The following GLCCI1 variants were observed in gnomAD, a reference collection of about 807,000 sequenced individuals.
GLCCI1 encodes the protein glucocorticoid induced 1.
In GLCCI1, 24 loss-of-function variants were observed where a neutral mutation model predicts 52.2. The ratio of observed to expected loss-of-function variants is 0.46; its 90% CI spans 0.33 to 0.65. GLCCI1 has a LOEUF of 0.65. Ranked by LOEUF, GLCCI1 falls within the 30% of genes least tolerant of loss-of-function variation. The probability of loss-of-function intolerance (pLI) is 0.02; values close to 1 mark genes in which losing one functional copy is unlikely to be tolerated. For synonymous variants in GLCCI1, 310 were observed against 276.5 expected (o/e 1.12, Z -1.20); for missense variants, 704 against 701.5 (o/e 1.00, Z -0.04).
At chr7:7,994,092 A>G (rs1780895749) in intron 1 of GLCCI1, among the ~76,000 whole-genome samples, 1 of 152,190 alleles carries the variant, frequency 6.6e-6, no homozygotes, top group Non-Finnish European at 1.5e-5. Context: ...TGTCTCTACA[A>G]AAAATACAAA....
Position 8,059,902 on chromosome 7 carries a change from T to G in GLCCI1, c.814-194T>G, listed in dbSNP as rs150597963. Among the ~76,000 whole-genome samples the G allele has an allele frequency of 2.5e-3, 388 of 152,358 alleles. 1 individual carries two copies. Among genetic ancestry groups the G allele is most frequent in the African/African-American group, 8.7e-3 (361 of 41,590 alleles). On this transcript the variant is annotated intron_variant, in intron 4 of 7. Coordinates refer to ENST00000223145, the MANE Select transcript of GLCCI1 (RefSeq NM_138426.4). The stretch of plus-strand genomic sequence containing the variant: ...CATAAAGGGATTTGAAAGGATTATT[T>G]TGACTATGTAATTTTCATTTTACTT...
At chr7:8,003,727 G>C (rs916091753) in intron 1 of GLCCI1, among the ~76,000 whole-genome samples, 181 bp from the exon 2 acceptor site, 1 of 152,166 alleles carries the variant, frequency 6.6e-6, no homozygotes, top group African/African-American at 2.4e-5. Context: ...GATTTAACAT[G>C]AATGTATTTT....
intron 3 of GLCCI1, among the ~76,000 whole-genome samples, chr7:8,025,128 A>G (rs765162200): frequency 8.5e-5 from 13 of 152,218 alleles, no homozygotes; most frequent in Non-Finnish European, 1.8e-4. Flanking sequence ...AATTCCCCAC[A>G]TATCCCAGGT....
At chr7:8,004,792 A>G (rs1321566644) in intron 2 of GLCCI1, among the ~76,000 whole-genome samples, 1 of 152,234 alleles carries the variant, frequency 6.6e-6, no homozygotes, top group African/African-American at 2.4e-5. Flanking sequence ...TCGACGTTAG[A>G]TGAATGGAGT....
chr7:8,035,737 C>T (rs902242319), intron 3 of GLCCI1, among the ~76,000 whole-genome samples: 2 of 152,168 alleles, frequency 1.3e-5, no homozygotes, highest in Non-Finnish European at 2.9e-5. Flanking sequence ...TGTTGTCTGT[C>T]CCGTCAGAGT....
At chr7:7,976,773 C>T (rs1780481581) in intron 1 of GLCCI1, among the ~76,000 whole-genome samples, 1 of 151,756 alleles carries the variant, frequency 6.6e-6, no homozygotes, top group Non-Finnish European at 1.5e-5. Flanking sequence ...TTAGCCTGGG[C>T]ATGGTGGGAC....
At chr7:8,024,680 C>T (rs1414086067) in intron 3 of GLCCI1, 3 of 152,208 alleles carry the variant, frequency 2.0e-5, no homozygotes, top group African/African-American at 7.2e-5. Context: ...AAAGGAATGA[C>T]TGATTCAGTG....
intron 5 of GLCCI1, among the ~76,000 whole-genome samples, chr7:8,062,038 A>G (rs929864934): frequency 6.6e-6 from 1 of 152,144 alleles, no homozygotes; most frequent in African/African-American, 2.4e-5. Context: ...CTTTGGATCT[A>G]ATTTTTAGAG....
chr7:7,988,907 G>A (rs1780787415), intron 1 of GLCCI1, among the ~76,000 whole-genome samples: 1 of 151,982 alleles, frequency 6.6e-6, no homozygotes, highest in South Asian at 2.1e-4. Flanking sequence ...AGTTAGATAA[G>A]GCTAAATGAT....
At chr7:8,058,651 G>T (rs560420052) in intron 4 of GLCCI1, among the ~76,000 whole-genome samples, 1 of 152,084 alleles carries the variant, frequency 6.6e-6, no homozygotes, top group African/African-American at 2.4e-5. Context: ...ATCATGATAG[G>T]TTAAGTATTT....
chr7:8,024,796 G>C (rs1354786274), intron 3 of GLCCI1: 1 of 152,186 alleles, frequency 6.6e-6, no homozygotes, highest in African/African-American at 2.4e-5. Context: ...CTTTATTCAT[G>C]AAAACTAATG....
chr7:8,082,166 CAG>C (rs1783009605), intron 6 of GLCCI1, among the ~76,000 whole-genome samples: 1 of 152,124 alleles, frequency 6.6e-6, no homozygotes, highest in Non-Finnish European at 1.5e-5. Context: ...AAATTCAACA[CAG>C]AGTTTTAAAT....
intron 2 of GLCCI1, among the ~76,000 whole-genome samples, chr7:8,013,350 C>T (rs945455831): frequency 6.6e-6 from 1 of 151,962 alleles, no homozygotes; most frequent in Non-Finnish European, 1.5e-5. Flanking sequence ...TTTATCTTTT[C>T]CCTGCTGATT....
intron 1 of GLCCI1, among the ~76,000 whole-genome samples, chr7:7,986,373 G>C (rs1198087756): frequency 4.8e-4 from 39 of 81,584 alleles, no homozygotes. Context: ...TTAGCCGGGA[G>C]CAGGGGGAGG....
At position 7,969,912 on chromosome 7, in the gene GLCCI1, A is replaced by T; in HGVS notation, c.457+105A>T. 1 of 1,112,140 alleles carries T rather than the reference A, an allele frequency of 9.0e-7. No homozygotes were observed. Among genetic ancestry groups the T allele is most frequent in the Non-Finnish European group, 1.1e-6 (1 of 903,998 alleles). 68.9% of individuals were successfully genotyped at this position (1,112,140 alleles called of 1,614,324 possible). ...CTTCTCTTTGCTAGTGCATTATCGAAGGTGTGAAAGTGGCTTTGGGAATCT... is the reference window on the plus strand; with the variant it reads ...CTTCTCTTTGCTAGTGCATTATCGATGGTGTGAAAGTGGCTTTGGGAATCT... On this transcript the variant is annotated intron_variant, in intron 1 of 7. Coordinates refer to ENST00000223145, the MANE Select transcript of GLCCI1 (RefSeq NM_138426.4). The surrounding 1 kb of genome is among the most constrained non-coding windows in gnomAD (Gnocchi z 4.9).
At chr7:8,065,018 G>C (rs897249625) in intron 5 of GLCCI1, among the ~76,000 whole-genome samples, 1 of 152,144 alleles carries the variant, frequency 6.6e-6, no homozygotes, top group African/African-American at 2.4e-5. Flanking sequence ...CGCCTGGCCA[G>C]TGTGGCCATT....
At chr7:8,028,865 A>C (rs1781685711) in intron 3 of GLCCI1, among the ~76,000 whole-genome samples, 1 of 152,178 alleles carries the variant, frequency 6.6e-6, no homozygotes, top group African/African-American at 2.4e-5. Context: ...GAAATGAATA[A>C]ATTCTCAGAT....
At chr7:8,055,075 C>A (rs1022422785) in intron 3 of GLCCI1, among the ~76,000 whole-genome samples, 3 of 152,072 alleles carry the variant, frequency 2.0e-5, no homozygotes, top group Non-Finnish European at 4.4e-5. Context: ...GTTTAGAGAT[C>A]AGGTTTAACT....
intron 3 of GLCCI1, 48 bp downstream of exon 3, chr7:8,022,617 AT>A: frequency 8.4e-7 from 1 of 1,185,714 alleles, no homozygotes; most frequent in South Asian, 1.5e-5. Context: ...GTCCTAGTAG[AT>A]TACCTTAGTA....
Sources: allele counts gnomAD v4.1 joint callset (sites outside exome capture counted in the v4.1 genomes callset), GRCh38; gene constraint gnomAD v4.1.1; non-coding constraint Gnocchi (gnomAD v3.1); transcripts MANE v1.5; gene names NCBI Gene and HGNC (gene_info 2026-07-23, HGNC 2026-07-21).